Variants in BANK1 observed in about 807,000 individuals in gnomAD.
The protein encoded by BANK1 is B-cell scaffold protein with ankyrin repeats.
A neutral mutation model predicts 94.5 loss-of-function variants in BANK1; 95 were observed. The ratio of observed to expected loss-of-function variants is 1.00; its 90% CI spans 0.85 to 1.19. BANK1 has a LOEUF of 1.19. BANK1 is among the 50% of genes most tolerant of loss of function. BANK1 has a pLI of 0.00. For synonymous variants in BANK1, 334 were observed against 308.4 expected, an observed-to-expected ratio of 1.08 and a Z score of -0.87; for missense variants, 987 against 932.2, an observed-to-expected ratio of 1.06 and a Z score of -0.77.
intron 4 of BANK1, among the ~76,000 whole-genome samples, chr4:101,867,572 T>C (rs1005482578): frequency 1.3e-5 from 2 of 151,986 alleles, no homozygotes; most frequent in African/African-American, 4.8e-5. Context: ...GTAAACACTG[T>C]CAATGTGTTG....
intron 7 of BANK1, among the ~76,000 whole-genome samples, chr4:101,963,012 T>C (rs1724625046): frequency 6.6e-6 from 1 of 152,166 alleles, no homozygotes; most frequent in South Asian, 2.1e-4. Flanking sequence ...ATTTGTTATA[T>C]ATACATTCTC....
chr4:101,800,788 G>A (rs969299310), intron 1 of BANK1, among the ~76,000 whole-genome samples: 5 of 151,982 alleles, frequency 3.3e-5, no homozygotes, highest in African/African-American at 9.7e-5. Flanking sequence ...ATGGTTTCTC[G>A]CTCTTGTCAC....
At chr4:101,985,967 G>T (rs567566126) in intron 7 of BANK1, among the ~76,000 whole-genome samples, 1 of 152,052 alleles carries the variant, frequency 6.6e-6, no homozygotes, top group African/African-American at 2.4e-5. Context: ...ACTGCATTCC[G>T]AAAGCATTAA....
At chr4:101,999,727 A>G (rs1208376414) in intron 7 of BANK1, among the ~76,000 whole-genome samples, 1 of 152,254 alleles carries the variant, frequency 6.6e-6, no homozygotes, top group Non-Finnish European at 1.5e-5. Flanking sequence ...AGAGCTAAGT[A>G]TAGAATGTAA....
chr4:101,812,678 C>G (rs1212433591), intron 1 of BANK1, among the ~76,000 whole-genome samples: 2 of 151,910 alleles, frequency 1.3e-5, no homozygotes, highest in Non-Finnish European at 2.9e-5. Flanking sequence ...ATTCTAAAAT[C>G]ATTTTTTAGA....
chr4:101,988,960 C>T (rs959472705), intron 7 of BANK1, among the ~76,000 whole-genome samples: 6 of 152,150 alleles, frequency 3.9e-5, no homozygotes, highest in African/African-American at 1.4e-4. Flanking sequence ...GAAAGGTTAA[C>T]ATCTTATATA....
At position 101,870,648 on chromosome 4, in the gene BANK1, A is replaced by G. The variant is rs1728250750; in HGVS notation, c.903+4A>G. ...TTCAGGAGAGAGTTTGTGCCAGGTA[A>G]GTTAATCTTTCCACGAAGTTAATCA... On this transcript the variant is annotated splice_donor_region_variant and intron_variant, in intron 5 of 16. Coordinates refer to ENST00000322953, the MANE Select transcript of BANK1 (RefSeq NM_017935.5). 1.2e-6 allele frequency: 2 copies of G among 1,607,544 alleles called. No individual in the cohort carries two copies. The highest frequency in any genetic ancestry group is 1.7e-5 in the Admixed American group (1 of 58,506).
intron 6 of BANK1, among the ~76,000 whole-genome samples, chr4:101,914,345 A>G (rs1340154982): frequency 1.3e-5 from 2 of 152,232 alleles, no homozygotes; most frequent in East Asian, 3.9e-4. Flanking sequence ...CCCGAGGAGC[A>G]GTACACAGGG....
intron 7 of BANK1, among the ~76,000 whole-genome samples, chr4:101,990,448 A>C (rs1295944782): frequency 1.3e-5 from 2 of 152,158 alleles, no homozygotes; most frequent in Non-Finnish European, 2.9e-5. Flanking sequence ...CTTAATTTTC[A>C]CCATGGTCAC....
intron 7 of BANK1, among the ~76,000 whole-genome samples, chr4:102,018,167 T>G (rs1000989733): frequency 4.2e-4 from 64 of 152,180 alleles, no homozygotes; most frequent in African/African-American, 1.5e-3. Flanking sequence ...GATCATTACT[T>G]TTAATATTTA....
Position 101,866,808 on chromosome 4 carries a change from A to G in BANK1, c.764-3697A>G, listed in dbSNP as rs1728087268. Among the ~76,000 whole-genome samples the G allele has an allele frequency of 4.8e-5, 4 of 82,788 alleles. 1 individual carries two copies. The highest frequency in any genetic ancestry group is 1.1e-4 in the Admixed American group (1 of 9,336). 54.3% of individuals were successfully genotyped at this position (82,788 alleles called of 152,430 possible). The stretch of plus-strand genomic sequence containing the variant: ...AGACTGGATTAAGAAAATGTGGCAC[A>G]TATACACCATGGAATACTATGCAGC... On this transcript the variant is annotated intron_variant, in intron 4 of 16. Transcript: ENST00000322953.
At chr4:102,055,516 A>C (rs76873950) in intron 11 of BANK1, among the ~76,000 whole-genome samples, 199 of 152,164 alleles carry the variant, frequency 1.3e-3, no homozygotes, top group African/African-American at 4.5e-3. Context: ...CATCTAAAAT[A>C]AAACGTGTAA....
At chr4:101,987,877 AGTAGCAGTCAT>A (rs2148930553) in intron 7 of BANK1, among the ~76,000 whole-genome samples, 1 of 152,302 alleles carries the variant, frequency 6.6e-6, no homozygotes, top group African/African-American at 2.4e-5. Flanking sequence ...ACGAAACATG[AGTAGCAGTCAT>A]GTGCGTTGCC....
intron 1 of BANK1, among the ~76,000 whole-genome samples, chr4:101,820,709 A>G (rs1726109004): frequency 6.6e-6 from 1 of 152,174 alleles, no homozygotes; most frequent in Non-Finnish European, 1.5e-5. Flanking sequence ...CCCACTTATA[A>G]GTGAGAACAT....
intron 7 of BANK1, among the ~76,000 whole-genome samples, chr4:102,002,588 C>T (rs10018650): frequency 0.44 from 57,636 of 132,170 alleles, 12,089 homozygotes; most frequent in South Asian, 0.57. Context: ...CACACACACA[C>T]ATATATATAT....
chr4:101,881,225 GA>G (rs930591137), intron 5 of BANK1, among the ~76,000 whole-genome samples: 6 of 149,702 alleles, frequency 4.0e-5, no homozygotes, highest in African/African-American at 7.4e-5. Context: ...CAACCCTATG[GA>G]AAAAAAAATC....
intron 11 of BANK1, among the ~76,000 whole-genome samples, chr4:102,053,935 T>A (rs1728138202): frequency 6.6e-6 from 1 of 151,942 alleles, no homozygotes; most frequent in East Asian, 1.9e-4. Flanking sequence ...TACTTTCAAA[T>A]TCCTTCATAT....
At chr4:101,917,299 G>A (rs192451801) in intron 6 of BANK1, among the ~76,000 whole-genome samples, 1 of 151,832 alleles carries the variant, frequency 6.6e-6, no homozygotes, top group Non-Finnish European at 1.5e-5. Context: ...TCATTCATTT[G>A]TGTTTTATTT....
chr4:101,910,778 C>T (rs1722639135), intron 6 of BANK1, among the ~76,000 whole-genome samples: 1 of 151,392 alleles, frequency 6.6e-6, no homozygotes, highest in African/African-American at 2.4e-5. Context: ...TTTCCCATAC[C>T]ATTTTTTTAA....
Sources: gnomAD v4.1 joint callset for allele counts (sites outside exome capture counted in the v4.1 genomes callset) on GRCh38, gnomAD v4.1.1 for gene constraint, MANE v1.5 for transcripts, NCBI Gene and HGNC (gene_info 2026-07-23, HGNC 2026-07-21) for gene names.